The following QPCTL variants were observed in gnomAD, a reference collection of about 807,000 sequenced individuals.
QPCTL encodes the protein glutaminyl-peptide cyclotransferase like.
In QPCTL, 31 loss-of-function variants were observed where a neutral mutation model predicts 34.6. That is an observed-to-expected ratio of 0.90 (90% confidence interval 0.67 to 1.21). QPCTL has a LOEUF of 1.21. QPCTL is among the 50% of genes most tolerant of loss of function. The pLI, the probability that QPCTL is intolerant of heterozygous loss-of-function variation, is 0.00. For synonymous variants in QPCTL, 223 were observed against 226.9 expected, an observed-to-expected ratio of 0.98 and a Z score of 0.15; for missense variants, 474 against 507.8, an observed-to-expected ratio of 0.93 and a Z score of 0.64.
At chr19:45,696,530 C>T (rs1057181621) in intron 3 of QPCTL, among the ~76,000 whole-genome samples, 1 of 151,238 alleles carries the variant, frequency 6.6e-6, no homozygotes, top group African/African-American at 2.4e-5. Context: ...GCGGAGGTTG[C>T]AGTGAGCCAA....
chr19:45,693,490 C>T lies in QPCTL; in HGVS notation c.285C>T (p.Ser95=). The change falls in exon 2 of 7, where the codon AGC becomes AGT. Residue 95 remains serine (S), a synonymous_variant. Coordinates refer to ENST00000012049, the MANE Select transcript of QPCTL (RefSeq NM_017659.4). ...VGQLDPQRLW[S]TYLRPLLVVR... is the part of the protein sequence containing the mutation. ...AACTGGATCCACAGCGTCTCTGGAG[C>T]ACTTATCTGCGCCCCCTGCTGGTTG... The T allele has an allele frequency of 1.2e-6, 2 of 1,613,298 alleles. No homozygotes were observed. Among genetic ancestry groups the T allele is most frequent in the South Asian group, 1.1e-5 (1 of 90,904 alleles).
rs375339919 is a variant in QPCTL at position 45,695,460 on chromosome 19, C to T, written c.375C>T (p.Ser125=). 6.6e-5 allele frequency: 106 copies of T among 1,613,560 alleles called. No individual in the cohort carries two copies. The highest frequency in any genetic ancestry group is 8.6e-5 in the Non-Finnish European group (102 of 1,179,630). Residue 125 remains serine (S), a synonymous_variant, in exon 3 of 7, where the codon TCC becomes TCT. Coordinates refer to ENST00000012049, the MANE Select transcript of QPCTL (RefSeq NM_017659.4). ...VRKFLEATLR[S]LTAGWHVELD... Reference sequence around the variant, plus strand: ...AGTTCCTGGAGGCCACGCTGCGGTCCCTGACAGCAGGTTGGCACGTGGAGC... The same window carrying T: ...AGTTCCTGGAGGCCACGCTGCGGTCTCTGACAGCAGGTTGGCACGTGGAGC...
At chr19:45,696,497 A>G (rs1326344830) in intron 3 of QPCTL, among the ~76,000 whole-genome samples, 3 of 151,860 alleles carry the variant, frequency 2.0e-5, no homozygotes, top group Admixed American at 6.6e-5. Context: ...AGGCTGAAGC[A>G]GAGAATTGCT....
chr19:45,698,264 CA>C (rs368157900), intron 3 of QPCTL, among the ~76,000 whole-genome samples: 15 of 144,790 alleles, frequency 1.0e-4, no homozygotes, highest in Non-Finnish European at 2.1e-4. Flanking sequence ...AAACAAAAAA[CA>C]AAAAAAAAAC....
At chr19:45,693,619 C>T in intron 2 of QPCTL, 63 bp downstream of exon 2, 1 of 1,519,480 alleles carries the variant, frequency 6.6e-7, no homozygotes. Flanking sequence ...AATAAGAATC[C>T]TGTTCAAGAT....
intron 3 of QPCTL, among the ~76,000 whole-genome samples, 158 bp downstream of exon 3, chr19:45,695,876 G>A (rs575076395): frequency 1.3e-4 from 19 of 145,458 alleles, no homozygotes; most frequent in African/African-American, 4.4e-4. Context: ...ACGGAGTTTC[G>A]CTCTTGTTCC....
rs749806467 is a variant in QPCTL at position 45,692,722 on chromosome 19, G to C, written c.19G>C (p.Gly7Arg). The change falls in exon 1 of 7, where the codon GGG becomes CGG. Residue 7 changes from glycine to arginine, a missense_variant. By Grantham distance (125) the Gly-to-Arg change is moderately radical (BLOSUM62 -2). Transcript: ENST00000012049. Reference sequence around the variant, plus strand: ...AGCGGCCATGCGTTCCGGGGGCCGCGGGCGACCCCGCCTGCGGCTGGGGGA... The same window carrying C: ...AGCGGCCATGCGTTCCGGGGGCCGCCGGCGACCCCGCCTGCGGCTGGGGGA... MRSGGR[G>R]RPRLRLGERG... 6.4e-7 allele frequency: 1 copy of C among 1,553,584 alleles called. No homozygotes were observed. The highest frequency in any genetic ancestry group is 1.2e-5 in the South Asian group (1 of 85,646).
At position 45,692,748 on chromosome 19, in the gene QPCTL, A is replaced by G. The variant is rs932148233; in HGVS notation, c.45A>G (p.Glu15=). The G allele has an allele frequency of 6.3e-7, 1 of 1,579,234 alleles. No individual in the cohort carries two copies. The highest frequency in any genetic ancestry group is 1.4e-5 in the African/African-American group (1 of 73,890). The change falls in exon 1 of 7, where the codon GAA becomes GAG. Residue 15 remains glutamate (E), a synonymous_variant. Coordinates refer to ENST00000012049, the MANE Select transcript of QPCTL (RefSeq NM_017659.4). ...GRGRPRLRLG[E]RGLMEPLLPP... is the part of the protein sequence containing the mutation. ...GGCGACCCCGCCTGCGGCTGGGGGA[A>G]CGTGGCCTCATGGAGCCACTCTTGC... is the stretch of plus-strand genomic sequence containing the variant.
chr19:45,697,448 AAAAAG>A (rs1448735298), intron 3 of QPCTL, among the ~76,000 whole-genome samples: 1 of 151,952 alleles, frequency 6.6e-6, no homozygotes, highest in South Asian at 2.1e-4. Flanking sequence ...AAGAAAGAAA[AAAAAG>A]AAAAGAAAAG....
At chr19:45,702,763 C>CAAAA in intron 6 of QPCTL, 141 bp from the exon 7 acceptor site, 40 of 825,352 alleles carry the variant, frequency 4.8e-5, no homozygotes, top group South Asian at 8.7e-5. Flanking sequence ...GACTCTGTCT[C>CAAAA]AAAAAAAAAA....
intron 1 of QPCTL, among the ~76,000 whole-genome samples, 170 bp from the exon 2 acceptor site, chr19:45,693,243 C>A (rs1328319249): frequency 6.6e-6 from 1 of 152,124 alleles, no homozygotes; most frequent in African/African-American, 2.4e-5. Context: ...ACCGGATGGT[C>A]TTGGAAGGAC....
chr19:45,700,037 G>C (rs1281626693), intron 5 of QPCTL, among the ~76,000 whole-genome samples: 1 of 151,854 alleles, frequency 6.6e-6, no homozygotes, highest in Non-Finnish European at 1.5e-5. Flanking sequence ...GGAGGTCGAG[G>C]CTGCAGTAAG....
At position 45,695,561 on chromosome 19, in the gene QPCTL, C is replaced by T. The variant is rs755797928; in HGVS notation, c.476C>T (p.Ala159Val). The change falls in exon 3 of 7, where the codon GCT becomes GTT. Residue 159 changes from alanine to valine, a missense_variant. Coordinates refer to ENST00000012049, the MANE Select transcript of QPCTL (RefSeq NM_017659.4). ...GTGGTGGCCACACTGGACCCAAGGG[C>T]TGCCCGTCACCTCACCCTTGCCTGC... is the stretch of plus-strand genomic sequence containing the variant. ...GNVVATLDPR[A>V]ARHLTLACHY... 13 of 1,614,016 alleles carry T rather than the reference C, an allele frequency of 8.1e-6. No homozygotes were observed. The South Asian group carries it at 1.4e-4, about 18-fold the overall frequency.
rs779969475 is a variant in QPCTL at position 45,703,169 on chromosome 19, C to T, written c.*120C>T. ...TTTGTCCTTTTCATACCTTTGTCTCCTAATTGTGCTACAATTGGAAGACCT... is the reference window on the plus strand; with the variant it reads ...TTTGTCCTTTTCATACCTTTGTCTCTTAATTGTGCTACAATTGGAAGACCT... On this transcript the variant is annotated 3_prime_UTR_variant, in exon 7 of 7. Coordinates refer to ENST00000012049, the MANE Select transcript of QPCTL (RefSeq NM_017659.4). 8.0e-7 allele frequency: 1 copy of T among 1,252,636 alleles called. No individual in the cohort carries two copies. The highest frequency in any genetic ancestry group is 1.1e-6 in the Non-Finnish European group (1 of 898,738). The allele number at this position is 1,252,636 out of a possible 1,614,324, so 77.6% of individuals were successfully genotyped here.
At chr19:45,702,356 G>A (rs917366218) in intron 6 of QPCTL, among the ~76,000 whole-genome samples, 4 of 151,874 alleles carry the variant, frequency 2.6e-5, no homozygotes, top group Admixed American at 2.0e-4. Flanking sequence ...CCAGCTACTC[G>A]AGAGGCTGAA....
chr19:45,700,313 C>T (rs563225512), intron 5 of QPCTL, among the ~76,000 whole-genome samples: 4 of 151,072 alleles, frequency 2.6e-5, no homozygotes, highest in African/African-American at 4.9e-5. Flanking sequence ...GGTGTGGTAG[C>T]GTGTGCCTGT....
At chr19:45,694,718 C>T (rs1003270050) in intron 2 of QPCTL, among the ~76,000 whole-genome samples, 3 of 151,952 alleles carry the variant, frequency 2.0e-5, no homozygotes, top group Admixed American at 6.6e-5. Context: ...ATCCGCCCAC[C>T]TCAGCCTCCC....
At position 45,703,054 on chromosome 19, in the gene QPCTL, CT is replaced by C. The variant is rs1283076398; in HGVS notation, c.*7del. 16 of 1,614,158 alleles carry C rather than the reference CT, an allele frequency of 9.9e-6. 1 individual carries two copies. Among genetic ancestry groups the C allele is most frequent in the Non-Finnish European group, 1.3e-5 (15 of 1,180,012 alleles). ...GCTGAATACCTGGGGCTCTAGCGTG[CT>C]TGGCCAATGACTGTGGAGAGGACTG... On this transcript the variant is annotated 3_prime_UTR_variant, in exon 7 of 7. Coordinates refer to ENST00000012049, the MANE Select transcript of QPCTL (RefSeq NM_017659.4).
chr19:45,703,176 T>TA lies in QPCTL; in HGVS notation c.*127_*128insA. 5 of 1,211,556 alleles carry TA rather than the reference T, an allele frequency of 4.1e-6. No individual in the cohort carries two copies. The highest frequency in any genetic ancestry group is 5.8e-6 in the Non-Finnish European group (5 of 865,524). 75.1% of individuals were successfully genotyped at this position (1,211,556 alleles called of 1,614,324 possible). ...TTTTCATACCTTTGTCTCCTAATTGTGCTACAATTGGAAGACCTTCTTTCT... is the reference window on the plus strand; with the variant it reads ...TTTTCATACCTTTGTCTCCTAATTGTAGCTACAATTGGAAGACCTTCTTTCT... On this transcript the variant is annotated 3_prime_UTR_variant, in exon 7 of 7. Transcript: ENST00000012049.
Sources: gnomAD v4.1 joint callset for allele counts (sites outside exome capture counted in the v4.1 genomes callset) on GRCh38, gnomAD v4.1.1 for gene constraint, MANE v1.5 for transcripts, NCBI Gene and HGNC (gene_info 2026-07-23, HGNC 2026-07-21) for gene names.